LCOR: variants seen among roughly 807,000 people sequenced by gnomAD.
The protein encoded by LCOR is ligand-dependent corepressor.
A neutral mutation model predicts 64.4 loss-of-function variants in LCOR; 14 were observed. The observed-to-expected ratio is 0.22, with a 90% CI of 0.14 to 0.34. The LOEUF is 0.34. LCOR is among the 10% of genes least tolerant of loss of function. The probability of loss-of-function intolerance (pLI) is 1.00; values close to 1 mark genes in which losing one functional copy is unlikely to be tolerated. For missense variants in LCOR, 1,686 were observed against 1,765.3 expected (o/e 0.96, Z 0.80); for synonymous variants, 643 against 642.5 (o/e 1.00, Z -0.01).
intron 7 of LCOR, among the ~76,000 whole-genome samples, chr10:96,953,743 T>C (rs1847720284): frequency 6.6e-6 from 1 of 152,244 alleles, no homozygotes; most frequent in Non-Finnish European, 1.5e-5. Context: ...CTACTGGTTT[T>C]GTTTTATGGA....
intron 7 of LCOR, among the ~76,000 whole-genome samples, chr10:96,980,533 G>A (rs1033868644): frequency 6.6e-6 from 1 of 151,928 alleles, no homozygotes; most frequent in African/African-American, 2.4e-5. Flanking sequence ...AGCAGTTTTC[G>A]CCAAAGTACC....
At chr10:96,837,594 TATC>T (rs1845469198) in intron 2 of LCOR, among the ~76,000 whole-genome samples, 1 of 152,196 alleles carries the variant, frequency 6.6e-6, no homozygotes, top group African/African-American at 2.4e-5. Flanking sequence ...GGGACAATAT[TATC>T]ATCCACAAGA....
intron 4 of LCOR, among the ~76,000 whole-genome samples, chr10:96,941,385 C>T (rs1178527351): frequency 6.2e-5 from 9 of 145,804 alleles, no homozygotes; most frequent in Admixed American, 1.3e-4. Context: ...CCTCACCTCC[C>T]GGACTGGGCG....
intron 2 of LCOR, among the ~76,000 whole-genome samples, chr10:96,835,862 A>G (rs948286943): frequency 2.6e-5 from 4 of 152,198 alleles, no homozygotes; most frequent in Admixed American, 6.5e-5. Context: ...TCCTGGGTTC[A>G]GACAGTGATT....
chr10:96,979,165 A>G (rs1848061764), intron 7 of LCOR, among the ~76,000 whole-genome samples: 1 of 152,232 alleles, frequency 6.6e-6, no homozygotes, highest in South Asian at 2.1e-4. Context: ...CTGAGACAGA[A>G]AAATCAAAGA....
chr10:96,948,670 G>T (rs930401780), intron 5 of LCOR, among the ~76,000 whole-genome samples: 1 of 152,148 alleles, frequency 6.6e-6, no homozygotes, highest in Non-Finnish European at 1.5e-5. Context: ...GTGACCTATA[G>T]GTGTGTTAAC....
chr10:96,840,605 A>C (rs539640754), intron 2 of LCOR, among the ~76,000 whole-genome samples: 10 of 152,288 alleles, frequency 6.6e-5, no homozygotes, highest in East Asian at 3.9e-4. Context: ...TTTCCTCTCT[A>C]TATATTTTTT....
rs1318216355 is a variant in LCOR, at chr10:96,994,983, A to C, written c.*9849A>C. The C allele has an allele frequency of 6.6e-6, 1 of 152,214 alleles. No homozygotes were observed. Among genetic ancestry groups the C allele is most frequent in the Non-Finnish European group, 1.5e-5 (1 of 68,036 alleles). The allele number at this position is 152,214 out of a possible 1,614,324, so 9.4% of individuals were successfully genotyped here. On this transcript the variant is annotated 3_prime_UTR_variant, in exon 8 of 8. Coordinates refer to ENST00000421806, the MANE Select transcript of LCOR (RefSeq NM_001346516.2). ...TATGAAAAGCACAGCCCAGGGCCCTAATTGAGGCTAGCATGAATGCCTTTG... is the reference window on the plus strand; with the variant it reads ...TATGAAAAGCACAGCCCAGGGCCCTCATTGAGGCTAGCATGAATGCCTTTG...
chr10:96,895,181 C>T (rs1345124943), intron 2 of LCOR, among the ~76,000 whole-genome samples: 1 of 152,180 alleles, frequency 6.6e-6, no homozygotes, highest in Non-Finnish European at 1.5e-5. Flanking sequence ...CTTCATAGAT[C>T]TACTTTGATT....
At chr10:96,935,198 G>T (rs1370156493) in intron 4 of LCOR, among the ~76,000 whole-genome samples, 1 of 133,716 alleles carries the variant, frequency 7.5e-6, no homozygotes, top group Non-Finnish European at 1.5e-5. Context: ...ACCCAGTCTG[G>T]AATGCAGTGG....
intron 2 of LCOR, among the ~76,000 whole-genome samples, chr10:96,838,249 G>A (rs967814439): frequency 1.3e-5 from 2 of 152,032 alleles, no homozygotes; most frequent in Non-Finnish European, 2.9e-5. Context: ...CAAATACAAG[G>A]TTGTACATAT....
intron 4 of LCOR, among the ~76,000 whole-genome samples, chr10:96,927,636 T>C (rs996889320): frequency 2.6e-5 from 4 of 152,216 alleles, no homozygotes; most frequent in Admixed American, 2.6e-4. Context: ...TTAATTTTTC[T>C]ATATGGTGTG....
intron 7 of LCOR, among the ~76,000 whole-genome samples, chr10:96,969,801 C>G (rs932119314): frequency 1.5e-4 from 19 of 129,018 alleles, no homozygotes; most frequent in African/African-American, 5.1e-4. Context: ...TTTTTTGAGA[C>G]AAGAGTCTCG....
chr10:96,918,587 TAGA>T (rs954920781), intron 4 of LCOR, among the ~76,000 whole-genome samples: 2 of 152,142 alleles, frequency 1.3e-5, no homozygotes, highest in Admixed American at 6.5e-5. Flanking sequence ...ACTATACTCA[TAGA>T]AGAAGCTGAG....
intron 7 of LCOR, among the ~76,000 whole-genome samples, chr10:96,979,058 C>T (rs1404981512): frequency 6.6e-6 from 1 of 152,156 alleles, no homozygotes; most frequent in Non-Finnish European, 1.5e-5. Flanking sequence ...TGCTCTTTTC[C>T]ACTGTGACCC....
chr10:96,964,769 G>A (rs185120214), intron 7 of LCOR, among the ~76,000 whole-genome samples: 3 of 152,134 alleles, frequency 2.0e-5, no homozygotes, highest in African/African-American at 7.2e-5. Flanking sequence ...TCATAATACC[G>A]TCTTCTGTCT....
intron 2 of LCOR, among the ~76,000 whole-genome samples, chr10:96,898,288 T>C (rs973561138): frequency 3.3e-4 from 50 of 152,292 alleles, no homozygotes; most frequent in African/African-American, 1.1e-3. Flanking sequence ...TGACGACATA[T>C]TGTGCTCAAG....
At chr10:96,854,180 G>A (rs956084229) in intron 2 of LCOR, among the ~76,000 whole-genome samples, 10 of 152,088 alleles carry the variant, frequency 6.6e-5, no homozygotes, top group Admixed American at 3.3e-4. Flanking sequence ...GAGATAGCTC[G>A]TTGACTAAAT....
chr10:96,938,720 T>C lies in LCOR; in HGVS notation c.-183-5393T>C, dbSNP rs576368316. Among the ~76,000 whole-genome samples, 19 of 152,336 alleles carry C rather than the reference T, an allele frequency of 1.2e-4. 1 individual carries two copies. The highest frequency in any genetic ancestry group is 4.6e-4 in the African/African-American group (19 of 41,572). On this transcript the variant is annotated intron_variant, in intron 4 of 7. Transcript: ENST00000421806. ...CGTCATTAAAAAAAAATAATAATTG[T>C]ATTGCTATACACTAGCAGTGAACAA...
Sources: gnomAD v4.1 joint callset for allele counts (sites outside exome capture counted in the v4.1 genomes callset) on GRCh38, gnomAD v4.1.1 for gene constraint, MANE v1.5 for transcripts, NCBI Gene and HGNC (gene_info 2026-07-23, HGNC 2026-07-21) for gene names.